NAALADL2: variants seen among roughly 807,000 people sequenced by gnomAD.
NAALADL2 encodes the protein N-acetylated alpha-linked acidic dipeptidase like 2.
Under a neutral mutation model 87.2 loss-of-function variants are expected in NAALADL2, and 76 were observed. The ratio of observed to expected loss-of-function variants is 0.87; its 90% CI spans 0.72 to 1.05. The LOEUF (loss-of-function observed/expected upper bound fraction) is 1.05. NAALADL2 is among the 50% of genes least tolerant of loss of function. The pLI is 0.00. For missense variants in NAALADL2, 1,089 were observed against 945.8 expected (o/e 1.15, Z -1.99); for synonymous variants, 354 against 331.0 (o/e 1.07, Z -0.75).
intron 2 of NAALADL2, among the ~76,000 whole-genome samples, chr3:174,676,965 A>G (rs1344030696): frequency 2.0e-5 from 3 of 151,986 alleles, no homozygotes; most frequent in Non-Finnish European, 4.4e-5. Flanking sequence ...CATTGAAAGT[A>G]TTGATTCATG....
At chr3:174,875,001 C>T (rs911173302) in intron 1 of NAALADL2, among the ~76,000 whole-genome samples, 1 of 149,202 alleles carries the variant, frequency 6.7e-6, no homozygotes, top group East Asian at 2.0e-4. Flanking sequence ...ATAGTCCCAG[C>T]TATTTGGGGG....
chr3:175,665,671 G>A (rs897860582), intron 11 of NAALADL2, among the ~76,000 whole-genome samples: 3 of 152,240 alleles, frequency 2.0e-5, no homozygotes, highest in South Asian at 2.1e-4. Context: ...GATGGCTCAC[G>A]CCTGTAATCC....
At chr3:175,580,165 A>T (rs898232946) in intron 10 of NAALADL2, among the ~76,000 whole-genome samples, 17 of 152,206 alleles carry the variant, frequency 1.1e-4, no homozygotes, top group African/African-American at 1.9e-4. Context: ...CTCTTACTAA[A>T]TTTTTTTAAA....
intron 11 of NAALADL2, among the ~76,000 whole-genome samples, chr3:175,657,764 G>T (rs1731682667): frequency 6.6e-6 from 1 of 151,744 alleles, no homozygotes; most frequent in African/African-American, 2.4e-5. Flanking sequence ...TGTATTTTTA[G>T]TAGAGATGGG....
At chr3:175,461,235 C>A (rs1339612661) in intron 6 of NAALADL2, among the ~76,000 whole-genome samples, 1 of 151,838 alleles carries the variant, frequency 6.6e-6, no homozygotes, top group Non-Finnish European at 1.5e-5. Context: ...AATCCTTTAG[C>A]TAGACACAGA....
rs112132840 is a variant in NAALADL2 at position 174,694,812 on chromosome 3, A to G, written c.-114-42829A>G. Among the ~76,000 whole-genome samples, 334 of 152,176 alleles carry G rather than the reference A, an allele frequency of 2.2e-3. 4 individuals carry two copies. The highest frequency in any genetic ancestry group is 7.7e-3 in the African/African-American group (319 of 41,566). Reference sequence around the variant, plus strand: ...AAATTTTACACAGAACACAAATAAAATATATTAAAATAGAATGCATGTTTA... The same window carrying G: ...AAATTTTACACAGAACACAAATAAAGTATATTAAAATAGAATGCATGTTTA... On this transcript the variant is annotated intron_variant, in intron 2 of 3. Coordinates refer to the NAALADL2 transcript ENST00000434257.
intron 2 of NAALADL2, among the ~76,000 whole-genome samples, chr3:174,564,766 A>G (rs1244843514): frequency 6.6e-6 from 1 of 152,056 alleles, no homozygotes; most frequent in Non-Finnish European, 1.5e-5. Flanking sequence ...CTCTAGTAGC[A>G]ATTTAATTAT....
At chr3:175,638,460 C>G (rs1000621356) in intron 11 of NAALADL2, among the ~76,000 whole-genome samples, 11 of 152,118 alleles carry the variant, frequency 7.2e-5, no homozygotes, top group Non-Finnish European at 1.6e-4. Context: ...GGGAATTTTC[C>G]TGATGTCAGT....
chr3:175,271,556 C>G (rs1474579117), intron 4 of NAALADL2, among the ~76,000 whole-genome samples: 1 of 152,118 alleles, frequency 6.6e-6, no homozygotes, highest in Admixed American at 6.6e-5. Flanking sequence ...CTTTGGCAGG[C>G]CGAGGTGGGT....
At chr3:175,502,228 G>GGGGTGTGTGT (rs373702257) in intron 9 of NAALADL2, among the ~76,000 whole-genome samples, 4 of 147,390 alleles carry the variant, frequency 2.7e-5, no homozygotes, top group African/African-American at 1.0e-4. Flanking sequence ...CATTATCCTG[G>GGGGTGTGTGT]GTGTGTGTGT....
chr3:174,576,467 T>C (rs1356422010), intron 2 of NAALADL2, among the ~76,000 whole-genome samples: 5 of 152,208 alleles, frequency 3.3e-5, no homozygotes, highest in African/African-American at 9.6e-5. Context: ...AGAATTAAAA[T>C]ATAAACATGT....
In NAALADL2 at chr3:174,891,518, G is replaced by C. The variant is rs533470269; in HGVS notation, c.43+32068G>C. Among the ~76,000 whole-genome samples, 312 of 152,192 alleles carry C rather than the reference G, an allele frequency of 2.1e-3. 3 individuals are homozygous for C. The highest frequency in any genetic ancestry group is 7.3e-3 in the African/African-American group (302 of 41,534). The stretch of plus-strand genomic sequence containing the variant: ...TGGAGGAGGGAGAACACATTTGTGA[G>C]GCATTGAACTCAGTGCTGTTCTGTT... On this transcript the variant is annotated intron_variant, in intron 1 of 13. Coordinates refer to ENST00000454872, the MANE Select transcript of NAALADL2 (RefSeq NM_207015.3).
chr3:175,352,624 G>T (rs1015801170), intron 5 of NAALADL2, among the ~76,000 whole-genome samples: 1 of 152,120 alleles, frequency 6.6e-6, no homozygotes, highest in Non-Finnish European at 1.5e-5. Context: ...GAAATACTCA[G>T]ATATTTCAAT....
chr3:174,474,893 AG>A (rs1484033527), intron 1 of NAALADL2, among the ~76,000 whole-genome samples: 2 of 152,138 alleles, frequency 1.3e-5, no homozygotes, highest in Admixed American at 1.3e-4. Flanking sequence ...GGTGCAACAC[AG>A]AGTGTTAACA....
chr3:174,485,510 C>T, intron 1 of NAALADL2, among the ~76,000 whole-genome samples: 1 of 151,274 alleles, frequency 6.6e-6, no homozygotes, highest in Non-Finnish European at 1.5e-5. Context: ...CATATGTTCT[C>T]ATCATTTAGT....
At chr3:175,249,982 C>T (rs1362879747) in intron 3 of NAALADL2, among the ~76,000 whole-genome samples, 1 of 151,982 alleles carries the variant, frequency 6.6e-6, no homozygotes, top group African/African-American at 2.4e-5. Context: ...CCAGCCTAAC[C>T]AACATGGAGA....
At chr3:175,678,118 T>C (rs1202397629) in intron 11 of NAALADL2, among the ~76,000 whole-genome samples, 1 of 152,220 alleles carries the variant, frequency 6.6e-6, no homozygotes, top group Admixed American at 6.5e-5. Context: ...TGTCAGAGGT[T>C]AAGTTTTCTT....
At chr3:175,622,478 G>A (rs1269472888) in intron 10 of NAALADL2, among the ~76,000 whole-genome samples, 2 of 152,104 alleles carry the variant, frequency 1.3e-5, no homozygotes, top group Non-Finnish European at 2.9e-5. Context: ...TTTCTATAGT[G>A]TTCTCTGTAT....
intron 2 of NAALADL2, among the ~76,000 whole-genome samples, chr3:175,227,140 T>C (rs950222472): frequency 7.2e-5 from 11 of 152,180 alleles, no homozygotes; most frequent in African/African-American, 2.6e-4. Context: ...AGTTCATCGT[T>C]CTTTAGATGT....
Sources: allele counts gnomAD v4.1 joint callset (sites outside exome capture counted in the v4.1 genomes callset), GRCh38; gene constraint gnomAD v4.1.1; transcripts MANE v1.5; gene names NCBI Gene and HGNC (gene_info 2026-07-23, HGNC 2026-07-21).